STIM1: variants seen among roughly 807,000 people sequenced by gnomAD.
STIM1 encodes stromal interaction molecule 1.
A neutral mutation model predicts 74.7 loss-of-function variants in STIM1; 25 were observed. The observed-to-expected ratio is 0.33, with a 90% CI of 0.24 to 0.47. STIM1 has a LOEUF of 0.47. Ranked by LOEUF, STIM1 falls within the 20% of genes least tolerant of loss-of-function variation. The probability of loss-of-function intolerance (pLI) is 1.00; values close to 1 mark genes in which losing one functional copy is unlikely to be tolerated. For synonymous variants in STIM1, 328 were observed against 348.8 expected, an observed-to-expected ratio of 0.94 and a Z score of 0.66; for missense variants, 728 against 920.8, an observed-to-expected ratio of 0.79 and a Z score of 2.71.
At chr11:3,891,070 A>G (rs1047421683) in intron 1 of STIM1, among the ~76,000 whole-genome samples, 7 of 152,196 alleles carry the variant, frequency 4.6e-5, no homozygotes, top group Non-Finnish European at 2.9e-5. Context: ...ATGATAAGAA[A>G]TGTATGTTGA....
chr11:4,078,332 C>T (rs867794531), intron 7 of STIM1, among the ~76,000 whole-genome samples: 4 of 152,196 alleles, frequency 2.6e-5, no homozygotes, highest in African/African-American at 4.8e-5. Flanking sequence ...TTCTCTTCAG[C>T]CCTGAAAGAC....
At chr11:3,993,673 A>AGGCAGTGACTTTTTATTTAATAG in intron 2 of STIM1, among the ~76,000 whole-genome samples, 3 of 152,028 alleles carry the variant, frequency 2.0e-5, no homozygotes, top group African/African-American at 7.2e-5. Flanking sequence ...CAAAAAACGA[A>AGGCAGTGACTTTTTATTTAATAG]ACAAAAACCC....
At chr11:4,043,742 C>T (rs559481929) in intron 3 of STIM1, among the ~76,000 whole-genome samples, 26 of 152,062 alleles carry the variant, frequency 1.7e-4, no homozygotes, top group Non-Finnish European at 3.1e-4. Flanking sequence ...GATGGCTGGG[C>T]GTGGTGGCTC....
At chr11:3,920,944 C>T (rs866977450) in intron 1 of STIM1, among the ~76,000 whole-genome samples, 45 of 151,872 alleles carry the variant, frequency 3.0e-4, no homozygotes, top group African/African-American at 9.4e-4. Context: ...TATAGGCACC[C>T]GCCACTACGC....
Position 3,891,126 on chromosome 11 carries a change from GCAGT to G in STIM1, c.139+34720_139+34723del, listed in dbSNP as rs763874422. The stretch of plus-strand genomic sequence containing the variant: ...ATTACATATTTATTTAATTCTCACA[GCAGT>G]CAATGACATAGATATTGTTATTATT... On this transcript the variant is annotated intron_variant, in intron 1 of 12. Coordinates refer to ENST00000526596, the MANE Select transcript of STIM1 (RefSeq NM_001382567.1). 7.9e-4 allele frequency among the ~76,000 whole-genome samples: 120 copies of G among 152,226 alleles called. 1 individual carries two copies. Among genetic ancestry groups the G allele is most frequent in the Non-Finnish European group, 1.5e-4 (10 of 68,024 alleles).
intron 5 of STIM1, among the ~76,000 whole-genome samples, chr11:4,062,784 T>C (rs2094339923): frequency 6.6e-6 from 1 of 151,996 alleles, no homozygotes; most frequent in Non-Finnish European, 1.5e-5. Context: ...CACTAGGATA[T>C]AATAAAAAAG....
Position 4,082,284 on chromosome 11 carries a change from T to G in STIM1, c.1070T>G (p.Val357Gly), listed in dbSNP as rs1277445333. The stretch of plus-strand genomic sequence containing the variant: ...AAGTGGCTGCAGCTGACACATGAGG[T>G]GGAGGTGCAATATTACAACATCAAG... ...LQKWLQLTHEVEVQYYNIKKQ... is the reference protein window; with the variant it reads ...LQKWLQLTHEGEVQYYNIKKQ... The change falls in exon 8 of 13, where the codon GTG (valine) becomes GGG (glycine). Residue 357 changes from valine (V) to glycine (G), a missense_variant. Val to Gly is a moderately radical substitution (Grantham distance 109). Around this residue, in one of 5 missense-constraint regions of STIM1, gnomAD observed 131 missense variants for 235.9 expected, o/e 0.56. Coordinates refer to ENST00000526596, the MANE Select transcript of STIM1 (RefSeq NM_001382567.1). The G allele has an allele frequency of 1.2e-6, 2 of 1,613,802 alleles. No individual in the cohort carries two copies. Among genetic ancestry groups the G allele is most frequent in the South Asian group, 2.2e-5 (2 of 91,074 alleles).
chr11:3,952,196 T>G lies in STIM1; in HGVS notation c.140-15356T>G, dbSNP rs950615041. On this transcript the variant is annotated intron_variant, in intron 1 of 12. Transcript: ENST00000526596. The stretch of plus-strand genomic sequence containing the variant: ...TGGGAGGCCGAAGTGGTGGATTGCT[T>G]GAGCCCAGGGGTTCAAGACCAGACT... Among the ~76,000 whole-genome samples, 13 of 152,096 alleles carry G rather than the reference T, an allele frequency of 8.5e-5. No individual in the cohort carries two copies. The South Asian group carries it at 1.2e-3, about 15-fold the overall frequency.
intron 1 of STIM1, chr11:3,892,254 G>C: frequency 1.6e-6 from 1 of 613,112 alleles, no homozygotes; most frequent in South Asian, 2.0e-5. Flanking sequence ...AGAAAACAGA[G>C]AAAACATGGA....
chr11:3,882,400 C>A (rs1237045895), intron 1 of STIM1, among the ~76,000 whole-genome samples: 1 of 152,120 alleles, frequency 6.6e-6, no homozygotes, highest in Non-Finnish European at 1.5e-5. Flanking sequence ...TGCCTGGCCA[C>A]TCCATTCCTT....
intron 1 of STIM1, among the ~76,000 whole-genome samples, chr11:3,881,199 T>C (rs1565099618): frequency 6.6e-6 from 1 of 151,880 alleles, no homozygotes; most frequent in Non-Finnish European, 1.5e-5. Context: ...AACTATTTCA[T>C]CAACCCTAAG....
intron 3 of STIM1, among the ~76,000 whole-genome samples, chr11:4,046,822 T>C (rs2094197194): frequency 6.6e-6 from 1 of 152,136 alleles, no homozygotes. Flanking sequence ...GCTAATTTTT[T>C]TATTTTTCTT....
chr11:3,941,616 TAC>T (rs2093006636), intron 1 of STIM1, among the ~76,000 whole-genome samples: 9 of 122,840 alleles, frequency 7.3e-5, no homozygotes, highest in African/African-American at 2.8e-4. Flanking sequence ...TGTGTGTGTA[TAC>T]ATATATATAT....
At chr11:3,990,143 TA>T (rs1303401701) in intron 2 of STIM1, among the ~76,000 whole-genome samples, 1 of 152,240 alleles carries the variant, frequency 6.6e-6, no homozygotes, top group Non-Finnish European at 1.5e-5. Context: ...TTCAATCATA[TA>T]ATATGTGGTC....
chr11:3,937,946 T>G (rs2092955388), intron 1 of STIM1, among the ~76,000 whole-genome samples: 1 of 151,814 alleles, frequency 6.6e-6, no homozygotes, highest in Admixed American at 6.6e-5. Context: ...CTTTTTTTTT[T>G]TTTTTGAGAT....
At chr11:3,951,852 C>G (rs2093152615) in intron 1 of STIM1, among the ~76,000 whole-genome samples, 1 of 152,186 alleles carries the variant, frequency 6.6e-6, no homozygotes, top group South Asian at 2.1e-4. Context: ...GGCACAAGAA[C>G]GTTTGGGTCA....
At chr11:3,904,716 A>G (rs1463019903) in intron 1 of STIM1, among the ~76,000 whole-genome samples, 1 of 152,128 alleles carries the variant, frequency 6.6e-6, no homozygotes, top group Non-Finnish European at 1.5e-5. Context: ...AGGATGAAGG[A>G]GGCAGTGTTA....
chr11:3,879,611 T>A (rs1234587237), intron 1 of STIM1, among the ~76,000 whole-genome samples: 3 of 152,218 alleles, frequency 2.0e-5, no homozygotes, highest in African/African-American at 7.2e-5. Flanking sequence ...AGGAGGGGAT[T>A]GTTATCTCCA....
At chr11:4,001,700 A>G (rs991682611) in intron 2 of STIM1, among the ~76,000 whole-genome samples, 4 of 151,864 alleles carry the variant, frequency 2.6e-5, no homozygotes, top group Non-Finnish European at 5.9e-5. Context: ...ATCACCAGCT[A>G]ACATCATAAT....
Sources: gnomAD v4.1 joint callset for allele counts (sites outside exome capture counted in the v4.1 genomes callset) on GRCh38, gnomAD v4.1.1 for gene constraint, gnomAD v4.1.1 regional missense constraint, MANE v1.5 for transcripts, NCBI Gene and HGNC (gene_info 2026-07-23, HGNC 2026-07-21) for gene names.